Variants in PLK2 observed in about 807,000 individuals in gnomAD.
The protein encoded by PLK2 is polo like kinase 2.
Under a neutral mutation model 78.1 loss-of-function variants are expected in PLK2, and 25 were observed. The ratio of observed to expected loss-of-function variants is 0.32; its 90% CI spans 0.23 to 0.45. The LOEUF (loss-of-function observed/expected upper bound fraction) is 0.45. PLK2 is among the 20% of genes least tolerant of loss of function. The pLI is 1.00. For missense variants in PLK2, 566 were observed against 840.2 expected, an observed-to-expected ratio of 0.67 and a Z score of 4.04; for synonymous variants, 332 against 298.2, an observed-to-expected ratio of 1.11 and a Z score of -1.17.
chr5:58,459,604 C>T, intron 1 of PLK2, 86 bp downstream of exon 1: 1 of 1,208,164 alleles, frequency 8.3e-7, no homozygotes, highest in Non-Finnish European at 1.1e-6. Context: ...AAGCGGCGGG[C>T]GAGGGACCCC....
chr5:58,460,076 T>G lies in PLK2; in HGVS notation c.-117A>C. Reference sequence around the variant, plus strand: ...TGCCGACTAGCACCCAACACCCCGGTCCACTTGTGCGAGTGAGAGCGCTCG... The same window carrying G: ...TGCCGACTAGCACCCAACACCCCGGGCCACTTGTGCGAGTGAGAGCGCTCG... On this transcript the variant is annotated 5_prime_UTR_variant, in exon 1 of 14. Transcript: ENST00000274289. 1.6e-6 allele frequency: 2 copies of G among 1,246,278 alleles called. No homozygotes were observed. The highest frequency in any genetic ancestry group is 1.5e-5 in the South Asian group (1 of 67,936). 77.2% of individuals were successfully genotyped at this position (1,246,278 alleles called of 1,614,324 possible).
At chr5:58,455,150 C>G in intron 12 of PLK2, 129 bp from the exon 13 acceptor site, 1 of 1,200,418 alleles carries the variant, frequency 8.3e-7, no homozygotes, top group African/African-American at 1.5e-5. Flanking sequence ...CTGCCTCCAC[C>G]TCCCGGAGAT....
rs1468457440 is a variant in PLK2 at position 58,459,738 on chromosome 5, G to A, written c.222C>T (p.Val74=). 1.9e-6 allele frequency: 3 copies of A among 1,606,130 alleles called. No homozygotes were observed. The highest frequency in any genetic ancestry group is 2.7e-5 in the African/African-American group (2 of 74,872). Residue 74 remains valine (V), a synonymous_variant, in exon 1 of 14, where the codon GTC becomes GTT. Transcript: ENST00000274289. ...HSGPEISRII[V]DPTTGKRYCR... ...AGTAGCGCTTCCCAGTCGTGGGGTCGACGATAATCCGCGAGATCTCCGGCC... is the reference window on the plus strand; with the variant it reads ...AGTAGCGCTTCCCAGTCGTGGGGTCAACGATAATCCGCGAGATCTCCGGCC...
intron 8 of PLK2, 97 bp downstream of exon 8, chr5:58,456,848 G>T: frequency 1.3e-6 from 1 of 784,238 alleles, no homozygotes; most frequent in Non-Finnish European, 2.0e-6. Context: ...CGCAAATATG[G>T]CCAAGTTATG....
rs1743666160 is a variant in PLK2 at position 58,458,391 on chromosome 5, T to C, written c.625+8A>G. ...CACAAAACTCAGCTTTTGGCGTCAATGACTTACCTAGTTTGAGATCTCTGT... is the reference window on the plus strand; with the variant it reads ...CACAAAACTCAGCTTTTGGCGTCAACGACTTACCTAGTTTGAGATCTCTGT... On this transcript the variant is annotated splice_region_variant and intron_variant, in intron 4 of 13. Transcript: ENST00000274289. 1.2e-6 allele frequency: 2 copies of C among 1,613,764 alleles called. No individual in the cohort carries two copies. Among genetic ancestry groups the C allele is most frequent in the Non-Finnish European group, 1.7e-6 (2 of 1,179,668 alleles).
chr5:58,456,676 A>T (rs1368365631), intron 8 of PLK2, 87 bp from the exon 9 acceptor site: 2 of 901,136 alleles, frequency 2.2e-6, no homozygotes. Flanking sequence ...TTCTTGCATT[A>T]TTGACCAACT....
At chr5:58,455,880 A>G in intron 10 of PLK2, 101 bp from the exon 11 acceptor site, 3 of 1,498,086 alleles carry the variant, frequency 2.0e-6, no homozygotes, top group Non-Finnish European at 2.7e-6. Flanking sequence ...TTCGAAAGAC[A>G]TAGAACTCAA....
In PLK2 at chr5:58,457,255, C is replaced by T. The variant is rs370073843; in HGVS notation, c.934G>A (p.Ala312Thr). ...TCTGGGTTTTTGGACAACATACTAGCAATTAAGTGCTTGGCAGGAGCCAGC... is the reference window on the plus strand; with the variant it reads ...TCTGGGTTTTTGGACAACATACTAGTAATTAAGTGCTTGGCAGGAGCCAGC... ...SLLAPAKHLI[A>T]SMLSKNPEDR... Residue 312 changes from alanine (A) to threonine (T), a missense_variant, in exon 7 of 14, where the codon GCT (alanine) becomes ACT (threonine). Ala to Thr is a moderately conservative substitution (Grantham distance 58). Transcript: ENST00000274289. 1.2e-6 allele frequency: 2 copies of T among 1,613,946 alleles called. No individual in the cohort carries two copies. The highest frequency in any genetic ancestry group is 4.5e-5 in the East Asian group (2 of 44,894).
chr5:58,459,651 T>TGCCCC, intron 1 of PLK2, 39 bp downstream of exon 1: 3 of 1,511,676 alleles, frequency 2.0e-6, no homozygotes, highest in Non-Finnish European at 2.7e-6. Context: ...CGGACAGACC[T>TGCCCC]CCCGCCCGCC....
rs1743549504 is a variant in PLK2, at chr5:58,454,624, T to C, written c.2017A>G (p.Met673Val). Residue 673 changes from methionine to valine, a missense_variant, in exon 14 of 14, where the codon ATG becomes GTG. Around this residue, in one of 5 missense-constraint regions of PLK2, gnomAD observed 130 missense variants for 196.4 expected, o/e 0.66. Transcript: ENST00000274289. ...AAGAGCATGTTCAGGGCATATTCCATTCGATTTTTTAATTCTGATGAACAG... is the reference window on the plus strand; with the variant it reads ...AAGAGCATGTTCAGGGCATATTCCACTCGATTTTTTAATTCTGATGAACAG... Reference protein sequence around the residue: ...SGCSSELKNRMEYALNMLLQR... With the variant: ...SGCSSELKNRVEYALNMLLQR... 2 of 1,613,976 alleles carry C rather than the reference T, an allele frequency of 1.2e-6. No individual in the cohort carries two copies. The highest frequency in any genetic ancestry group is 1.7e-6 in the Non-Finnish European group (2 of 1,179,888).
chr5:58,458,678 G>A (rs1195729733), intron 3 of PLK2, 47 bp downstream of exon 3: 3 of 1,258,982 alleles, frequency 2.4e-6, no homozygotes, highest in Non-Finnish European at 1.2e-6. Context: ...TGAATACCAT[G>A]TTAATTCGGG....
In PLK2 at chr5:58,459,796, G is replaced by A; in HGVS notation, c.164C>T (p.Ala55Val). Residue 55 changes from alanine (A) to valine (V), a missense_variant, in exon 1 of 14, where the codon GCC becomes GTC. Ala to Val is a moderately conservative substitution (Grantham distance 64). Around this residue, in one of 5 missense-constraint regions of PLK2, gnomAD observed 127 missense variants for 122.5 expected, o/e 1.04. Coordinates refer to ENST00000274289, the MANE Select transcript of PLK2 (RefSeq NM_006622.4). Reference sequence around the variant, plus strand: ...CGAATGGTGGTGATGGTGGTGAGGGGCCGCCGGGGGCACTTGCGCCTGGGA... The same window carrying A: ...CGAATGGTGGTGATGGTGGTGAGGGACCGCCGGGGGCACTTGCGCCTGGGA... Reference protein sequence around the residue: ...PQSQAQVPPAAPHHHHHHSHS... With the variant: ...PQSQAQVPPAVPHHHHHHSHS... 2 of 1,608,174 alleles carry A rather than the reference G, an allele frequency of 1.2e-6. No homozygotes were observed. Among genetic ancestry groups the A allele is most frequent in the Non-Finnish European group, 1.7e-6 (2 of 1,179,796 alleles).
chr5:58,456,853 GT>G (rs1743619505), intron 8 of PLK2, 91 bp downstream of exon 8: 1 of 826,210 alleles, frequency 1.2e-6, no homozygotes, highest in South Asian at 1.9e-5. Context: ...ATATGGCCAA[GT>G]TATGCTAATA....
chr5:58,459,712 C>A lies in PLK2; in HGVS notation c.248G>T (p.Cys83Phe). The change falls in exon 1 of 14, where the codon TGC (cysteine) becomes TTC (phenylalanine). Residue 83 changes from cysteine to phenylalanine, a missense_variant. Transcript: ENST00000274289. Reference sequence around the variant, plus strand: ...CACCTTTCCCAGCACTTTGCCCCGGCAGTAGCGCTTCCCAGTCGTGGGGTC... The same window carrying A: ...CACCTTTCCCAGCACTTTGCCCCGGAAGTAGCGCTTCCCAGTCGTGGGGTC... ...IVDPTTGKRY[C>F]RGKVLGKGGF... is the part of the protein sequence containing the mutation. The A allele has an allele frequency of 6.3e-7, 1 of 1,597,690 alleles. No homozygotes were observed. Among genetic ancestry groups the A allele is most frequent in the Non-Finnish European group, 8.5e-7 (1 of 1,172,784 alleles).
rs1443730706 is a variant in PLK2 at position 58,454,947 on chromosome 5, C to T, written c.1830G>A (p.Lys610=). Residue 610 remains lysine (K), a synonymous_variant, in exon 13 of 14, where the codon AAG becomes AAA. Transcript: ENST00000274289. ...LYLLQWLKSD[K]ALMMLFNDGT... The stretch of plus-strand genomic sequence containing the variant: ...CATCATTAAAGAGCATCATTAGGGC[C>T]TTATCAGATTTTAGCCACTGAAGGA... 1.9e-6 allele frequency: 3 copies of T among 1,612,672 alleles called. No individual in the cohort carries two copies. Among genetic ancestry groups the T allele is most frequent in the East Asian group, 4.5e-5 (2 of 44,866 alleles).
chr5:58,457,088 A>T lies in PLK2; in HGVS notation c.1013T>A (p.Phe338Tyr). The T allele has an allele frequency of 6.2e-7, 1 of 1,613,142 alleles. No individual in the cohort carries two copies. The highest frequency in any genetic ancestry group is 8.5e-7 in the Non-Finnish European group (1 of 1,179,634). The stretch of plus-strand genomic sequence containing the variant: ...GCTAGAAGACAGTCTGTCCGGAGTG[A>T]AGCCCTGTGGAATATTAGAAAAAGC... ...IIRHDFFLQG[F>Y]TPDRLSSSCC... Residue 338 changes from phenylalanine (F) to tyrosine (Y), a missense_variant, in exon 8 of 14, where the codon TTC (phenylalanine) becomes TAC (tyrosine). Physicochemically the swap from Phe to Tyr is conservative, Grantham distance 22. Transcript: ENST00000274289.
rs775980715 is a variant in PLK2, at chr5:58,458,180, T to TAAACA, written c.626-14_626-10dup. 6.4e-7 allele frequency: 1 copy of TAAACA among 1,574,220 alleles called. No homozygotes were observed. Among genetic ancestry groups the TAAACA allele is most frequent in the Non-Finnish European group, 8.7e-7 (1 of 1,144,276 alleles). ...ATTAATAAAAAAGTTCCCTAGACGA[T>TAAACA]AAACAAAACAAAATGTGAATCCCTT... On this transcript the variant is annotated splice_polypyrimidine_tract_variant and intron_variant, in intron 4 of 13. Transcript: ENST00000274289.
intron 13 of PLK2, 48 bp from the exon 14 acceptor site, chr5:58,454,822 T>C: frequency 6.6e-7 from 1 of 1,516,980 alleles, no homozygotes; most frequent in Non-Finnish European, 9.1e-7. Context: ...ATTCGAGAAT[T>C]AGAAAAGTTC....
chr5:58,457,556 G>A lies in PLK2; in HGVS notation c.741C>T (p.Leu247=), dbSNP rs1743642620. 1.9e-6 allele frequency: 3 copies of A among 1,611,454 alleles called. No homozygotes were observed. Among genetic ancestry groups the A allele is most frequent in the Non-Finnish European group, 2.5e-6 (3 of 1,177,558 alleles). Residue 247 remains leucine (L), a synonymous_variant, in exon 6 of 14, where the codon CTC becomes CTT. Coordinates refer to ENST00000274289, the MANE Select transcript of PLK2 (RefSeq NM_006622.4). ...RRTICGTPNY[L]SPEVLNKQGH... The stretch of plus-strand genomic sequence containing the variant: ...CTTGTTTGTTGAGGACTTCAGGAGA[G>A]AGATAATTTGGGGTACCACATATCG...
Sources: gnomAD v4.1 joint callset for allele counts on GRCh38, gnomAD v4.1.1 for gene constraint, gnomAD v4.1.1 regional missense constraint, MANE v1.5 for transcripts, NCBI Gene and HGNC (gene_info 2026-07-23, HGNC 2026-07-21) for gene names.